Variants in KIF1A observed in about 807,000 individuals in gnomAD.
KIF1A encodes the protein kinesin family member 1A.
In KIF1A, 46 loss-of-function variants were observed where a neutral mutation model predicts 227.3. The observed-to-expected ratio is 0.20, with a 90% CI of 0.16 to 0.26. The LOEUF (loss-of-function observed/expected upper bound fraction) is 0.26. Ranked by LOEUF, KIF1A falls within the 10% of genes least tolerant of loss-of-function variation. The pLI is 1.00. For missense variants in KIF1A, 1,683 were observed against 2,485.9 expected (o/e 0.68, Z 6.87); for synonymous variants, 1,022 against 1,012.8 (o/e 1.01, Z -0.17).
At position 240,771,330 on chromosome 2, in the gene KIF1A, G is replaced by A. The variant is rs142040528; in HGVS notation, c.1208-226C>T. Reference sequence around the variant, plus strand: ...CAGCCCTGCCAGGCCCAGGACAAGCGCATGCAAGGCCTTCCTGCCACCCCT... The same window carrying A: ...CAGCCCTGCCAGGCCCAGGACAAGCACATGCAAGGCCTTCCTGCCACCCCT... On this transcript the variant is annotated intron_variant, in intron 14 of 48. Coordinates refer to ENST00000498729, the MANE Select transcript of KIF1A (RefSeq NM_001244008.2). 1,719 of 618,172 alleles carry A rather than the reference G, an allele frequency of 2.8e-3. 29 individuals carry two copies. The African/African-American group carries it at 0.028, about 10-fold the overall frequency. The allele number at this position is 618,172 out of a possible 1,614,324, so 38.3% of individuals were successfully genotyped here.
chr2:240,777,085 C>T (rs187237669), intron 10 of KIF1A, among the ~76,000 whole-genome samples: 1 of 152,298 alleles, frequency 6.6e-6, no homozygotes, highest in Admixed American at 6.5e-5. Context: ...CCCTCTGTCA[C>T]CAGGCTGGAG....
chr2:240,809,946 T>TGTGCCATC (rs1297044536), intron 1 of KIF1A, among the ~76,000 whole-genome samples: 1 of 152,114 alleles, frequency 6.6e-6, no homozygotes, highest in Non-Finnish European at 1.5e-5. Context: ...GTTACAGGCA[T>TGTGCCATC]GTGCCATCAC....
chr2:240,798,865 C>T (rs187965143), intron 1 of KIF1A, among the ~76,000 whole-genome samples: 2 of 152,302 alleles, frequency 1.3e-5, no homozygotes, highest in African/African-American at 4.8e-5. Flanking sequence ...AGGTTTTCGC[C>T]AATTGCTGTC....
At position 240,765,700 on chromosome 2, in the gene KIF1A, C is replaced by T. The variant is rs1044835643; in HGVS notation, c.1768+10G>A. 20 of 1,611,290 alleles carry T rather than the reference C, an allele frequency of 1.2e-5. No homozygotes were observed. In the Middle Eastern group the frequency reaches 2.0e-3, roughly 159 times the overall value. On this transcript the variant is annotated intron_variant, in intron 20 of 48. Coordinates refer to ENST00000498729, the MANE Select transcript of KIF1A (RefSeq NM_001244008.2). ...CCTACCTGACTGGCCCCCGGAGTCC[C>T]CAGCCATACCTGAACGCAGGATGCT...
At chr2:240,796,370 G>A (rs931465121) in intron 2 of KIF1A, among the ~76,000 whole-genome samples, 7 of 152,194 alleles carry the variant, frequency 4.6e-5, no homozygotes, top group Non-Finnish European at 7.4e-5. Context: ...TCCTGGGCAG[G>A]ACAACCGGTA....
rs1455447774 is a variant in KIF1A at position 240,725,439 on chromosome 2, A to G, written c.4123-35T>C. 4.4e-6 allele frequency: 7 copies of G among 1,606,056 alleles called. No individual in the cohort carries two copies. The highest frequency in any genetic ancestry group is 6.0e-6 in the Non-Finnish European group (7 of 1,175,794). Reference sequence around the variant, plus strand: ...GCGGGAGCAGGACTCAGGCACAAGGACACCCCGAGTGCCCAGGTGCCCTTC... The same window carrying G: ...GCGGGAGCAGGACTCAGGCACAAGGGCACCCCGAGTGCCCAGGTGCCCTTC... On this transcript the variant is annotated intron_variant, in intron 39 of 48. Transcript: ENST00000498729. The surrounding 1 kb of genome is among the most constrained non-coding windows in gnomAD (Gnocchi z 5.8).
Position 240,757,615 on chromosome 2 carries a change from CAGAG to C in KIF1A, c.2583-25_2583-22del. The C allele has an allele frequency of 6.5e-7, 1 of 1,547,438 alleles. No individual in the cohort carries two copies. Among genetic ancestry groups the C allele is most frequent in the Non-Finnish European group, 8.7e-7 (1 of 1,145,418 alleles). Reference sequence around the variant, plus strand: ...CTGAACTGAGGTTAGTGCGACAAGACAGAGAGAAGTTAACACCAGCGACTCGCAG... The same window carrying C: ...CTGAACTGAGGTTAGTGCGACAAGACAGAAGTTAACACCAGCGACTCGCAG... On this transcript the variant is annotated intron_variant, in intron 26 of 48. Transcript: ENST00000498729. This position sits in a 1 kb window ranked among gnomAD's most constrained non-coding sequence, Gnocchi z 6.2.
At chr2:240,773,657 T>A (rs186648712) in intron 12 of KIF1A, among the ~76,000 whole-genome samples, 1 of 152,294 alleles carries the variant, frequency 6.6e-6, no homozygotes, top group East Asian at 1.9e-4. Context: ...GATGCACATG[T>A]CTACGTTTCC....
At chr2:240,768,249 A>G (rs2051456164) in intron 17 of KIF1A, among the ~76,000 whole-genome samples, 1 of 152,254 alleles carries the variant, frequency 6.6e-6, no homozygotes, top group Admixed American at 6.5e-5. Flanking sequence ...GAAACAGTGC[A>G]GGGAACAATC....
rs2055874574 is a variant in KIF1A at position 240,792,750 on chromosome 2, T to C, written c.107-3438A>G. The stretch of plus-strand genomic sequence containing the variant: ...CAGCTGGCATTTGGAAATGGGGCCT[T>C]GTGAAGTGATGAGGATGAGACGAAG... On this transcript the variant is annotated intron_variant, in intron 2 of 48. Transcript: ENST00000498729. This position sits in a 1 kb window ranked among gnomAD's most constrained non-coding sequence, Gnocchi z 4.5. Among the ~76,000 whole-genome samples the C allele has an allele frequency of 6.6e-6, 1 of 151,982 alleles. No individual in the cohort carries two copies. The highest frequency in any genetic ancestry group is 6.5e-5 in the Admixed American group (1 of 15,268).
chr2:240,763,459 C>T, intron 20 of KIF1A, 113 bp from the exon 21 acceptor site: 2 of 970,972 alleles, frequency 2.1e-6, no homozygotes, highest in Non-Finnish European at 1.5e-6. Context: ...CCCCACCATC[C>T]CCAGCTCCCA....
rs1328471853 is a variant in KIF1A at position 240,783,114 on chromosome 2, G to A, written c.799-5C>T. 14 of 1,612,680 alleles carry A rather than the reference G, an allele frequency of 8.7e-6. No homozygotes were observed. Among genetic ancestry groups the A allele is most frequent in the East Asian group, 4.5e-5 (2 of 44,868 alleles). On this transcript the variant is annotated splice_region_variant and splice_polypyrimidine_tract_variant and intron_variant, in intron 8 of 48. Coordinates refer to ENST00000498729, the MANE Select transcript of KIF1A (RefSeq NM_001244008.2). ...CTTGTTGATGTTGGCCCCCTCCTGC[G>A]GGCAGAAAAGACAGTGGGGTTGGGA...
rs765708561 is a variant in KIF1A at position 240,771,002 on chromosome 2, G to A, written c.1310C>T (p.Pro437Leu). Residue 437 changes from proline (P) to leucine (L), a missense_variant, in exon 15 of 49, where the codon CCG (proline) becomes CTG (leucine). Coordinates refer to ENST00000498729, the MANE Select transcript of KIF1A (RefSeq NM_001244008.2). ...TCTTTCAATGGCCTCCTCGCTGCCC[G>A]GGGCAAACAAGATGCGCTCGTGGAG... ...SSLHERILFA[P>L]GSEEAIERLK... is the part of the protein sequence containing the mutation. The A allele has an allele frequency of 7.4e-6, 12 of 1,612,510 alleles. No homozygotes were observed. The highest frequency in any genetic ancestry group is 2.2e-5 in the East Asian group (1 of 44,872).
At chr2:240,785,797 A>C (rs1223312830) in intron 6 of KIF1A, among the ~76,000 whole-genome samples, 2 of 152,052 alleles carry the variant, frequency 1.3e-5, no homozygotes, top group Admixed American at 6.5e-5. Flanking sequence ...GTGACTCACG[A>C]CCTCAGGAGC....
intron 35 of KIF1A, 115 bp downstream of exon 35, chr2:240,741,154 C>T (rs1356912384): frequency 8.7e-6 from 6 of 690,372 alleles, no homozygotes; most frequent in African/African-American, 3.5e-5. Context: ...AGTGAACACC[C>T]GCTGGAAGAA....
At chr2:240,734,691 AGG>A in intron 38 of KIF1A, 1 of 1,303,318 alleles carries the variant, frequency 7.7e-7, no homozygotes, top group Non-Finnish European at 1.0e-6. Context: ...AATGAAACCA[AGG>A]GTAAACCAAG....
At position 240,720,985 on chromosome 2, in the gene KIF1A, C is replaced by A; in HGVS notation, c.4797G>T (p.Gly1599=). The A allele has an allele frequency of 6.2e-7, 1 of 1,609,362 alleles. No homozygotes were observed. Among genetic ancestry groups the A allele is most frequent in the Middle Eastern group, 1.7e-4 (1 of 6,058 alleles). ...LLRDPSMSPL[G]VATLTPSSTC... Reference sequence around the variant, plus strand: ...TGGAGGAGGGGGTGAGAGTGGCCACCCCTAGAGGGGACATCGACGGGTCCC... The same window carrying A: ...TGGAGGAGGGGGTGAGAGTGGCCACACCTAGAGGGGACATCGACGGGTCCC... The change falls in exon 45 of 49, where the codon GGG becomes GGT. Residue 1599 remains glycine (G), a synonymous_variant. Transcript: ENST00000498729.
At chr2:240,733,014 G>A (rs1401765984) in intron 38 of KIF1A, among the ~76,000 whole-genome samples, 1 of 127,272 alleles carries the variant, frequency 7.9e-6, no homozygotes, top group Non-Finnish European at 1.7e-5. Flanking sequence ...GGATGAGGGG[G>A]AATGAGGGAG....
chr2:240,782,665 G>C (rs374923284), intron 9 of KIF1A, 58 bp from the exon 10 acceptor site: 7 of 1,537,206 alleles, frequency 4.6e-6, no homozygotes, highest in Non-Finnish European at 6.2e-6. Context: ...CGCGGGCTGT[G>C]GGGGCGGAAG....
Sources: allele counts gnomAD v4.1 joint callset (sites outside exome capture counted in the v4.1 genomes callset), GRCh38; gene constraint gnomAD v4.1.1; non-coding constraint Gnocchi (gnomAD v3.1); transcripts MANE v1.5; gene names NCBI Gene and HGNC (gene_info 2026-07-23, HGNC 2026-07-21).